FANCM: variants seen among roughly 807,000 people sequenced by gnomAD.
FANCM encodes FA complementation group M, also known as Fanconi anemia group M protein.
FANCM carries 140 observed loss-of-function variants against 199.5 expected under a neutral mutation model. The ratio of observed to expected loss-of-function variants is 0.70; its 90% CI spans 0.61 to 0.81. The LOEUF is 0.81. Ranked by LOEUF, FANCM falls within the 30% of genes least tolerant of loss-of-function variation. The probability of loss-of-function intolerance (pLI) is 0.00; values close to 1 mark genes in which losing one functional copy is unlikely to be tolerated. For synonymous variants in FANCM, 840 were observed against 836.8 expected, an observed-to-expected ratio of 1.00 and a Z score of -0.07; for missense variants, 2,410 against 2,421.4, an observed-to-expected ratio of 1.00 and a Z score of 0.10.
chr14:45,192,927 A>G (rs1889854862), intron 20 of FANCM, among the ~76,000 whole-genome samples: 1 of 152,222 alleles, frequency 6.6e-6, no homozygotes, highest in African/African-American at 2.4e-5. Context: ...AGTTGTAGAC[A>G]CAGTGGGGAA....
intron 16 of FANCM, among the ~76,000 whole-genome samples, chr14:45,181,909 A>G (rs1889098078): frequency 6.6e-6 from 1 of 152,210 alleles, no homozygotes; most frequent in Non-Finnish European, 1.5e-5. Flanking sequence ...ATAAATAAAA[A>G]TATTAAGTAA....
intron 9 of FANCM, among the ~76,000 whole-genome samples, 188 bp from the exon 10 acceptor site, chr14:45,164,171 C>T (rs1300421207): frequency 1.3e-5 from 2 of 152,172 alleles, no homozygotes; most frequent in Non-Finnish European, 2.9e-5. Context: ...GCTTGAGCTC[C>T]TGGACTCAAG....
rs949236049 is a variant in FANCM, at chr14:45,174,595, A to G, written c.2317-476A>G. On this transcript the variant is annotated intron_variant, in intron 13 of 22. Transcript: ENST00000267430. ...GTTACAAATAGAAGTATATTCCAGGATACAACCTAGCAGACATACAGGTAC... is the reference window on the plus strand; with the variant it reads ...GTTACAAATAGAAGTATATTCCAGGGTACAACCTAGCAGACATACAGGTAC... Among the ~76,000 whole-genome samples, 61 of 152,182 alleles carry G rather than the reference A, an allele frequency of 4.0e-4. 4 individuals are homozygous for G.
intron 5 of FANCM, among the ~76,000 whole-genome samples, chr14:45,152,050 A>G (rs1246652102): frequency 6.8e-6 from 1 of 146,646 alleles, no homozygotes. Context: ...TTTTTTTGAG[A>G]CAGAATTTCG....
Position 45,196,522 on chromosome 14 carries a change from T to C in FANCM, c.5691T>C (p.Ile1897=). The C allele has an allele frequency of 6.2e-7, 1 of 1,614,034 alleles. No homozygotes were observed. ...GTATGTTTGAAAGAATATGTGTGAT[T>C]GTGGAAAAGGACAGAGAAAAAACAG... The part of the protein sequence containing the change: ...LQSMFERICV[I]VEKDREKTGD... Residue 1897 remains isoleucine (I), a synonymous_variant, in exon 21 of 23, where the codon ATT becomes ATC. Transcript: ENST00000267430.
intron 3 of FANCM, among the ~76,000 whole-genome samples, chr14:45,146,240 GAAAAAAAAAA>G (rs143430263): frequency 2.1e-5 from 2 of 93,182 alleles, no homozygotes; most frequent in African/African-American, 8.3e-5. Flanking sequence ...GACTCCGTCT[GAAAAAAAAAA>G]AAAAAAAAAG....
rs770311755 is a variant in FANCM, at chr14:45,136,397, C to G, written c.366C>G (p.Ala122=). 41 of 1,614,048 alleles carry G rather than the reference C, an allele frequency of 2.5e-5. No homozygotes were observed. Among genetic ancestry groups the G allele is most frequent in the Non-Finnish European group, 3.3e-5 (39 of 1,180,040 alleles). The part of the protein sequence containing the change: ...PTGLGKTFIA[A]VVMYNFYRWF... ...GACTGGGAAAGACCTTTATTGCCGC[C>G]GTGGTCATGTACAATTTCTACCGCT... The change falls in exon 1 of 23, where the codon GCC becomes GCG. Residue 122 remains alanine, a synonymous_variant. Transcript: ENST00000267430.
At chr14:45,156,802 C>G (rs145364628) in intron 8 of FANCM, among the ~76,000 whole-genome samples, 2 of 151,038 alleles carry the variant, frequency 1.3e-5, no homozygotes, top group Admixed American at 1.3e-4. Context: ...CCTGTAGTCT[C>G]AGCTACTCGG....
intron 9 of FANCM, among the ~76,000 whole-genome samples, chr14:45,159,972 G>T (rs1342252494): frequency 6.7e-6 from 1 of 148,390 alleles, no homozygotes; most frequent in East Asian, 2.0e-4. Flanking sequence ...TTTTGATTCT[G>T]CAGACGTTAG....
At chr14:45,149,619 C>T (rs1001831330) in intron 4 of FANCM, among the ~76,000 whole-genome samples, 5 of 152,094 alleles carry the variant, frequency 3.3e-5, no homozygotes, top group Admixed American at 6.6e-5. Context: ...TTTCCTGCCC[C>T]GACCTCCCAA....
At chr14:45,195,643 G>A (rs548968569) in intron 20 of FANCM, 29 of 436,872 alleles carry the variant, frequency 6.6e-5, no homozygotes, top group African/African-American at 4.7e-4. Flanking sequence ...TTTTGACCTC[G>A]GTGCATTCCT....
At chr14:45,156,544 G>A (rs943951425) in intron 8 of FANCM, among the ~76,000 whole-genome samples, 3 of 152,112 alleles carry the variant, frequency 2.0e-5, no homozygotes, top group Admixed American at 6.6e-5. Context: ...TCAAGGTGCT[G>A]GGAGATAGAT....
intron 10 of FANCM, among the ~76,000 whole-genome samples, chr14:45,166,366 G>A (rs1044533428): frequency 2.0e-5 from 3 of 151,828 alleles, no homozygotes; most frequent in African/African-American, 4.8e-5. Flanking sequence ...CTTGAACTCC[G>A]GACCTCGTGA....
chr14:45,173,470 C>T (rs530972185), intron 13 of FANCM, among the ~76,000 whole-genome samples: 30 of 152,092 alleles, frequency 2.0e-4, no homozygotes, highest in Non-Finnish European at 3.7e-4. Flanking sequence ...GTTTGTAAAC[C>T]TTATTTAGGA....
At chr14:45,149,031 A>G (rs766987324) in intron 4 of FANCM, 36 bp downstream of exon 4, 3 of 1,452,534 alleles carry the variant, frequency 2.1e-6, no homozygotes, top group Non-Finnish European at 2.9e-6. Flanking sequence ...GATTTCATAA[A>G]TAAACTGGTA....
Position 45,176,073 on chromosome 14 carries a change from G to A in FANCM, c.3319G>A (p.Ala1107Thr), listed in dbSNP as rs996666429. The change falls in exon 14 of 23, where the codon GCA (alanine) becomes ACA (threonine). Residue 1107 changes from alanine to threonine, a missense_variant. By Grantham distance (58) the Ala-to-Thr change is moderately conservative (BLOSUM62 0). Transcript: ENST00000267430. Reference sequence around the variant, plus strand: ...TCGTGTTCAAATACACAGAAGCCCTGCACAGAATTTAGTTGGAGAGAACAA... The same window carrying A: ...TCGTGTTCAAATACACAGAAGCCCTACACAGAATTTAGTTGGAGAGAACAA... ...NNRVQIHRSP[A>T]QNLVGENNHD... is the part of the protein sequence containing the mutation. The A allele has an allele frequency of 6.2e-7, 1 of 1,614,030 alleles. No individual in the cohort carries two copies. Among genetic ancestry groups the A allele is most frequent in the Non-Finnish European group, 8.5e-7 (1 of 1,179,948 alleles).
intron 3 of FANCM, among the ~76,000 whole-genome samples, chr14:45,147,887 G>T (rs4906564): frequency 0.09 from 12,866 of 143,348 alleles, 715 homozygotes; most frequent in South Asian, 0.19. Flanking sequence ...ACAGAGGGAG[G>T]TTCCAAACCG....
In FANCM at chr14:45,176,421, T is replaced by G. The variant is rs1888703962; in HGVS notation, c.3667T>G (p.Cys1223Gly). 2 of 1,613,136 alleles carry G rather than the reference T, an allele frequency of 1.2e-6. No individual in the cohort carries two copies. Among genetic ancestry groups the G allele is most frequent in the African/African-American group, 2.7e-5 (2 of 74,928 alleles). Reference sequence around the variant, plus strand: ...GAAGAATCATGAGGATATTTTTGATTGCTCTAGGGATTTATTTTCTGTTAC... The same window carrying G: ...GAAGAATCATGAGGATATTTTTGATGGCTCTAGGGATTTATTTTCTGTTAC... ...KVKNHEDIFD[C>G]SRDLFSVTFD... is the part of the protein sequence containing the mutation. Residue 1223 changes from cysteine to glycine, a missense_variant, in exon 14 of 23, where the codon TGC (cysteine) becomes GGC (glycine). Coordinates refer to ENST00000267430, the MANE Select transcript of FANCM (RefSeq NM_020937.4).
chr14:45,153,905 A>ATGCTGTTT lies in FANCM; in HGVS notation c.1051-13_1051-6dup. 1 of 1,606,632 alleles carries ATGCTGTTT rather than the reference A, an allele frequency of 6.2e-7. No individual in the cohort carries two copies. Among genetic ancestry groups the ATGCTGTTT allele is most frequent in the Non-Finnish European group, 8.5e-7 (1 of 1,173,450 alleles). ...TTATTTCTCTGGTTAAATTTGACAT[A>ATGCTGTTT]TGCTGTTTTTCTAGGGAATACAACA... is the stretch of plus-strand genomic sequence containing the variant. On this transcript the variant is annotated splice_polypyrimidine_tract_variant and intron_variant, in intron 5 of 22. Transcript: ENST00000267430.
Sources: allele counts gnomAD v4.1 joint callset (sites outside exome capture counted in the v4.1 genomes callset), GRCh38; gene constraint gnomAD v4.1.1; transcripts MANE v1.5; gene names NCBI Gene and HGNC (gene_info 2026-07-23, HGNC 2026-07-21).